PDLIM5: variants seen among roughly 807,000 people sequenced by gnomAD.
The protein encoded by PDLIM5 is PDZ and LIM domain protein 5.
PDLIM5 carries 34 observed loss-of-function variants against 64.2 expected under a neutral mutation model. The ratio of observed to expected loss-of-function variants is 0.53; its 90% confidence interval spans 0.40 to 0.71. The LOEUF is 0.71. Among genes scored for constraint, PDLIM5 ranks in the 30% least tolerant of loss-of-function variants. The pLI, the probability that PDLIM5 is intolerant of heterozygous loss-of-function variation, is 0.00. For missense variants in PDLIM5, 683 were observed against 733.6 expected (o/e 0.93, Z 0.80); for synonymous variants, 253 against 269.1 (o/e 0.94, Z 0.59).
intron 3 of PDLIM5, among the ~76,000 whole-genome samples, chr4:94,530,831 G>A (rs1029398708): frequency 6.6e-6 from 1 of 152,076 alleles, no homozygotes; most frequent in Non-Finnish European, 1.5e-5. Flanking sequence ...GATTATAAGA[G>A]AAAAGAAGAA....
chr4:94,632,055 TA>T lies in PDLIM5; in HGVS notation c.1109-8220del, dbSNP rs1323824341. Among the ~76,000 whole-genome samples, 54 of 152,374 alleles carry T rather than the reference TA, an allele frequency of 3.5e-4. No homozygotes were observed. The South Asian group carries it at 4.1e-3, about 12-fold the overall frequency. On this transcript the variant is annotated intron_variant, in intron 8 of 12. Transcript: ENST00000317968. ...CTCCACTGTGAACACACGCATAGCGTAGCGCCTGCCGCATTACAGGCTCTTA... is the reference window on the plus strand; with the variant it reads ...CTCCACTGTGAACACACGCATAGCGTGCGCCTGCCGCATTACAGGCTCTTA...
intron 11 of PDLIM5, among the ~76,000 whole-genome samples, chr4:94,661,807 G>A (rs1046748264): frequency 6.6e-6 from 1 of 151,658 alleles, no homozygotes; most frequent in South Asian, 2.1e-4. Context: ...ACTGATAACT[G>A]GTCACAGAAC....
chr4:94,467,522 C>CA (rs1724480574), intron 2 of PDLIM5, among the ~76,000 whole-genome samples: 1 of 152,068 alleles, frequency 6.6e-6, no homozygotes, highest in South Asian at 2.1e-4. Flanking sequence ...TCATTTTGGC[C>CA]AGGCTGGTCT....
intron 5 of PDLIM5, chr4:94,577,251 G>T (rs1474018096): frequency 4.4e-6 from 2 of 456,998 alleles, no homozygotes; most frequent in Non-Finnish European, 8.8e-6. Context: ...GTGTGGATAG[G>T]TCCATTCTCT....
At chr4:94,513,380 A>G (rs1483550885) in intron 2 of PDLIM5, among the ~76,000 whole-genome samples, 2 of 152,184 alleles carry the variant, frequency 1.3e-5, no homozygotes, top group Non-Finnish European at 2.9e-5. Flanking sequence ...ATATCTTTCC[A>G]TTTGTTCCTG....
At chr4:94,477,595 G>C (rs536754882) in intron 2 of PDLIM5, among the ~76,000 whole-genome samples, 1 of 152,140 alleles carries the variant, frequency 6.6e-6, no homozygotes, top group Non-Finnish European at 1.5e-5. Flanking sequence ...TTTTAAAATG[G>C]TCAGTAATAG....
chr4:94,601,395 G>A (rs1737483925), intron 7 of PDLIM5, among the ~76,000 whole-genome samples: 1 of 152,120 alleles, frequency 6.6e-6, no homozygotes. Context: ...AGGGCGTTAG[G>A]ATTTTGACAT....
At chr4:94,477,385 T>C (rs1725417774) in intron 2 of PDLIM5, among the ~76,000 whole-genome samples, 1 of 152,214 alleles carries the variant, frequency 6.6e-6, no homozygotes, top group South Asian at 2.1e-4. Flanking sequence ...GCAGTCCAGC[T>C]TGGAGATACA....
intron 5 of PDLIM5, chr4:94,582,594 T>C: frequency 1.6e-6 from 1 of 643,114 alleles, no homozygotes; most frequent in Non-Finnish European, 2.8e-6. Flanking sequence ...TTTTGAATTT[T>C]ATTTCATTGT....
intron 7 of PDLIM5, among the ~76,000 whole-genome samples, chr4:94,603,732 A>G (rs886376719): frequency 6.6e-6 from 1 of 152,070 alleles, no homozygotes; most frequent in Non-Finnish European, 1.5e-5. Context: ...TCCTTGGTAT[A>G]TTCCCAGCCA....
chr4:94,597,343 G>A (rs1038905941), intron 7 of PDLIM5, among the ~76,000 whole-genome samples: 1 of 151,906 alleles, frequency 6.6e-6, no homozygotes, highest in African/African-American at 2.4e-5. Flanking sequence ...AATCAGCAAA[G>A]CTCTTAGCAG....
intron 3 of PDLIM5, among the ~76,000 whole-genome samples, chr4:94,535,268 G>T (rs572339658): frequency 1.3e-5 from 2 of 152,310 alleles, no homozygotes; most frequent in East Asian, 1.9e-4. Flanking sequence ...AGAGTCAGAA[G>T]TATCTCAGGA....
At chr4:94,477,957 A>G (rs2126101844) in intron 2 of PDLIM5, among the ~76,000 whole-genome samples, 1 of 152,278 alleles carries the variant, frequency 6.6e-6, no homozygotes, top group Non-Finnish European at 1.5e-5. Flanking sequence ...TCTTTAGCTT[A>G]CTTTAAGAAT....
chr4:94,585,847 A>G (rs1157613673), intron 6 of PDLIM5, 110 bp downstream of exon 6: 4 of 801,864 alleles, frequency 5.0e-6, no homozygotes, highest in Middle Eastern at 2.5e-4. Flanking sequence ...GTTTGCTTTT[A>G]AATTATGCTG....
chr4:94,561,912 C>T (rs1470937966), intron 3 of PDLIM5, among the ~76,000 whole-genome samples: 1 of 152,174 alleles, frequency 6.6e-6, no homozygotes, highest in Non-Finnish European at 1.5e-5. Context: ...TCATGGTCAG[C>T]ATTTCTGTTC....
chr4:94,589,237 A>C (rs1736487249), intron 7 of PDLIM5, among the ~76,000 whole-genome samples: 1 of 152,234 alleles, frequency 6.6e-6, no homozygotes, highest in Non-Finnish European at 1.5e-5. Flanking sequence ...CAGAGTTGAC[A>C]GAAAGAAGAC....
chr4:94,509,461 A>T (rs530147968), intron 2 of PDLIM5, among the ~76,000 whole-genome samples: 12 of 152,154 alleles, frequency 7.9e-5, no homozygotes, highest in Non-Finnish European at 1.8e-4. Context: ...CATTTTGTTC[A>T]TTGCCATATG....
At chr4:94,538,101 A>G (rs1016317546) in intron 3 of PDLIM5, among the ~76,000 whole-genome samples, 1 of 152,174 alleles carries the variant, frequency 6.6e-6, no homozygotes, top group Non-Finnish European at 1.5e-5. Context: ...GGGATCACAT[A>G]TTTTAAAATT....
rs371525658 is a variant in PDLIM5, at chr4:94,555,144, C to T, written c.249-18207C>T. 5.9e-5 allele frequency among the ~76,000 whole-genome samples: 9 copies of T among 152,300 alleles called. No homozygotes were observed. The South Asian group carries it at 1.7e-3, about 28-fold the overall frequency. On this transcript the variant is annotated intron_variant, in intron 3 of 12. Transcript: ENST00000317968. ...TCTCTGCTCACTGCAACCTCCGCCT[C>T]CCGGGTTCAAGTGATTCTCCCGCCT... is the stretch of plus-strand genomic sequence containing the variant.
Sources: gnomAD v4.1 joint callset for allele counts (sites outside exome capture counted in the v4.1 genomes callset) on GRCh38, gnomAD v4.1.1 for gene constraint, MANE v1.5 for transcripts, NCBI Gene and HGNC (gene_info 2026-07-23, HGNC 2026-07-21) for gene names.